The following SLC24A2 variants were observed in gnomAD, a reference collection of about 807,000 sequenced individuals.
SLC24A2 encodes sodium/potassium/calcium exchanger 2.
A neutral mutation model predicts 62.0 loss-of-function variants in SLC24A2; 36 were observed. That is an observed-to-expected ratio of 0.58 (90% confidence interval 0.44 to 0.77). The LOEUF (loss-of-function observed/expected upper bound fraction) is 0.77, where lower values mean the gene tolerates loss of function less well. Among genes scored for constraint, SLC24A2 ranks in the 30% least tolerant of loss-of-function variants. The pLI is 0.00. For missense variants in SLC24A2, 846 were observed against 817.9 expected, an observed-to-expected ratio of 1.03 and a Z score of -0.42; for synonymous variants, 358 against 294.0, an observed-to-expected ratio of 1.22 and a Z score of -2.23.
At chr9:19,739,822 C>G in intron 2 of SLC24A2, among the ~76,000 whole-genome samples, 1 of 152,140 alleles carries the variant, frequency 6.6e-6, no homozygotes, top group Middle Eastern at 3.4e-3. Flanking sequence ...AATTGGACTA[C>G]GTTAAAACTA....
At chr9:20,150,744 T>C in the SLC24A2 span, among the ~76,000 whole-genome samples, 1 of 151,800 alleles carries the variant, frequency 6.6e-6, no homozygotes, top group Admixed American at 6.6e-5. Context: ...ATTCATATAA[T>C]GAAAAAGTTA....
chr9:19,546,852 A>C (rs1205362904), intron 8 of SLC24A2, among the ~76,000 whole-genome samples: 4 of 152,174 alleles, frequency 2.6e-5, no homozygotes, highest in African/African-American at 9.7e-5. Context: ...GTGGGTTGCA[A>C]AGACTGTGGG....
the SLC24A2 span, among the ~76,000 whole-genome samples, chr9:20,079,770 A>C: frequency 7.2e-5 from 11 of 152,204 alleles, no homozygotes; most frequent in African/African-American, 2.4e-4. Context: ...TGATTTTTGC[A>C]CATTGATTTT....
chr9:19,969,322 A>G, the SLC24A2 span, among the ~76,000 whole-genome samples: 14 of 152,174 alleles, frequency 9.2e-5, no homozygotes, highest in African/African-American at 3.1e-4. Context: ...CCTAAACTTC[A>G]GAACTTGGCT....
At chr9:19,569,443 G>C (rs1323268345) in intron 7 of SLC24A2, among the ~76,000 whole-genome samples, 1 of 152,140 alleles carries the variant, frequency 6.6e-6, no homozygotes, top group African/African-American at 2.4e-5. Flanking sequence ...ATCTTCTGCA[G>C]CTTCCCACTC....
chr9:19,873,078 G>C, the SLC24A2 span, among the ~76,000 whole-genome samples: 2 of 152,144 alleles, frequency 1.3e-5, no homozygotes, highest in Non-Finnish European at 2.9e-5. Context: ...CTCTGTGTTT[G>C]AACTCAGAAA....
At chr9:19,935,829 C>A in the SLC24A2 span, among the ~76,000 whole-genome samples, 1 of 152,316 alleles carries the variant, frequency 6.6e-6, no homozygotes, top group South Asian at 2.1e-4. Flanking sequence ...CTGTAAACCT[C>A]ATCCCACTGA....
intron 2 of SLC24A2, among the ~76,000 whole-genome samples, chr9:19,649,836 A>G (rs1818748036): frequency 6.6e-6 from 1 of 152,248 alleles, no homozygotes; most frequent in Non-Finnish European, 1.5e-5. Context: ...CAAGAATGAC[A>G]CAATATAGGA....
At chr9:20,079,369 A>G in the SLC24A2 span, among the ~76,000 whole-genome samples, 1 of 152,238 alleles carries the variant, frequency 6.6e-6, no homozygotes, top group Non-Finnish European at 1.5e-5. Flanking sequence ...CTCTGAATGT[A>G]AACATACACA....
intron 2 of SLC24A2, among the ~76,000 whole-genome samples, chr9:19,756,647 G>C (rs1822147674): frequency 6.6e-6 from 1 of 152,114 alleles, no homozygotes; most frequent in African/African-American, 2.4e-5. Flanking sequence ...ATTCACCTTT[G>C]AGAAGCACTA....
the SLC24A2 span, among the ~76,000 whole-genome samples, chr9:20,083,870 T>C: frequency 1.2e-4 from 18 of 152,210 alleles, no homozygotes; most frequent in South Asian, 4.1e-4. Flanking sequence ...TACCTACCAA[T>C]TGATGCACAG....
the SLC24A2 span, among the ~76,000 whole-genome samples, chr9:20,185,124 T>TA: frequency 6.6e-6 from 1 of 152,084 alleles, no homozygotes; most frequent in Non-Finnish European, 1.5e-5. Flanking sequence ...GGTCAAAGGA[T>TA]ACAAAATTGT....
At chr9:19,937,058 G>A in the SLC24A2 span, among the ~76,000 whole-genome samples, 1 of 152,088 alleles carries the variant, frequency 6.6e-6, no homozygotes, top group Non-Finnish European at 1.5e-5. Flanking sequence ...AATATGGTAG[G>A]AACATAAAAT....
the SLC24A2 span, among the ~76,000 whole-genome samples, chr9:19,938,701 C>T: frequency 2.6e-5 from 4 of 152,098 alleles, no homozygotes; most frequent in Non-Finnish European, 5.9e-5. Context: ...TTTAATTGCT[C>T]CATGGATCCT....
At chr9:20,274,080 A>G in the SLC24A2 span, among the ~76,000 whole-genome samples, 1 of 152,226 alleles carries the variant, frequency 6.6e-6, no homozygotes, top group Non-Finnish European at 1.5e-5. Flanking sequence ...TGTGCTAGAC[A>G]CTGTTCTGAG....
the SLC24A2 span, among the ~76,000 whole-genome samples, chr9:19,806,181 G>A: frequency 6.6e-6 from 1 of 152,128 alleles, no homozygotes; most frequent in Non-Finnish European, 1.5e-5. Flanking sequence ...AAAGCTATAA[G>A]GGGTAGAGTG....
the SLC24A2 span, among the ~76,000 whole-genome samples, chr9:20,281,883 T>C: frequency 6.6e-6 from 1 of 152,214 alleles, no homozygotes; most frequent in Admixed American, 6.5e-5. Flanking sequence ...CGTACATTTA[T>C]TTAAGTCTTT....
the SLC24A2 span, among the ~76,000 whole-genome samples, chr9:20,151,640 A>G: frequency 4.9e-4 from 75 of 151,960 alleles, no homozygotes; most frequent in East Asian, 0.014. Flanking sequence ...CTTAACCACA[A>G]GTGGGACTGA....
chr9:19,614,248 C>T (rs1188968484), intron 4 of SLC24A2, among the ~76,000 whole-genome samples: 1 of 152,102 alleles, frequency 6.6e-6, no homozygotes, highest in Non-Finnish European at 1.5e-5. Context: ...ATTCTAGTTC[C>T]CCAAGGTTTT....
Sources: gnomAD v4.1 joint callset for allele counts (sites outside exome capture counted in the v4.1 genomes callset) on GRCh38, gnomAD v4.1.1 for gene constraint, MANE v1.5 for transcripts, NCBI Gene and HGNC (gene_info 2026-07-23, HGNC 2026-07-21) for gene names.